The following ASPM variants were observed in gnomAD, a reference collection of about 807,000 sequenced individuals.
ASPM encodes the protein assembly factor for spindle microtubules.
Under a neutral mutation model 366.4 loss-of-function variants are expected in ASPM, and 256 were observed. The ratio of observed to expected loss-of-function variants is 0.70; its 90% confidence interval spans 0.63 to 0.77. The LOEUF (loss-of-function observed/expected upper bound fraction) is 0.77. Among genes scored for constraint, ASPM ranks in the 30% least tolerant of loss-of-function variants. ASPM has a pLI of 0.00. For missense variants in ASPM, 4,146 were observed against 4,090.4 expected (o/e 1.01, Z -0.37); for synonymous variants, 1,414 against 1,342.9 (o/e 1.05, Z -1.16).
intron 20 of ASPM, 104 bp downstream of exon 20, chr1:197,093,980 T>C: frequency 1.3e-6 from 1 of 780,404 alleles, no homozygotes; most frequent in Non-Finnish European, 2.0e-6. Context: ...AACACTTTTT[T>C]TCCAGCGAAG....
chr1:197,128,750 CAT>C (rs1016106015), intron 9 of ASPM, 85 bp from the exon 10 acceptor site: 4 of 1,052,014 alleles, frequency 3.8e-6, no homozygotes, highest in Non-Finnish European at 4.1e-6. Flanking sequence ...TCATTCTGTA[CAT>C]ATAAAAATAA....
rs759052633 is a variant in ASPM, at chr1:197,093,170, A to T, written c.9176T>A (p.Ile3059Lys). Residue 3059 changes from isoleucine (I) to lysine (K), a missense_variant, in exon 21 of 28, where the codon ATA (isoleucine) becomes AAA (lysine). This residue lies in a region of ASPM where 3,624 missense variants were observed against 3,591.7 expected (regional missense o/e 1.01). Transcript: ENST00000367409. ...CTCCCTGGCTCGTATATATTTTTGTATGATCAAAGCAGCAGATTTCTGCCG... is the reference window on the plus strand; with the variant it reads ...CTCCCTGGCTCGTATATATTTTTGTTTGATCAAAGCAGCAGATTTCTGCCG... Reference protein sequence around the residue: ...FLRQKSAALIIQKYIRAREAG... With the variant: ...FLRQKSAALIKQKYIRAREAG... 1.2e-6 allele frequency: 2 copies of T among 1,612,550 alleles called. No individual in the cohort carries two copies. The highest frequency in any genetic ancestry group is 1.7e-6 in the Non-Finnish European group (2 of 1,178,978).
intron 9 of ASPM, 77 bp downstream of exon 9, chr1:197,129,110 G>A: frequency 1.3e-6 from 2 of 1,521,040 alleles, no homozygotes; most frequent in Middle Eastern, 1.8e-4. Context: ...TTTTTCTAAA[G>A]AGAAAACATA....
chr1:197,110,599 G>C (rs571233484), intron 17 of ASPM, among the ~76,000 whole-genome samples: 227 of 152,114 alleles, frequency 1.5e-3, no homozygotes, highest in African/African-American at 5.4e-3. Context: ...TGCAGATTGG[G>C]AGAAATTGTG....
In ASPM at chr1:197,142,535, G is replaced by A. The variant is rs144049904; in HGVS notation, c.1717C>T (p.Arg573Trp). Residue 573 changes from arginine to tryptophan, a missense_variant, in exon 3 of 28, where the codon CGG becomes TGG. Physicochemically the swap from Arg to Trp is moderately radical, Grantham distance 101. Transcript: ENST00000367409. ...ATGCTTCCATCGCTCTTTCTTTTCCGAGCAACTGAAGCTGTTGTCGAAGAG... is the reference window on the plus strand; with the variant it reads ...ATGCTTCCATCGCTCTTTCTTTTCCAAGCAACTGAAGCTGTTGTCGAAGAG... Reference protein sequence around the residue: ...TPSSTTASVARKRKSDGSMED... With the variant: ...TPSSTTASVAWKRKSDGSMED... The A allele has an allele frequency of 2.6e-3, 4,121 of 1,613,904 alleles. 13 individuals carry two copies. The highest frequency in any genetic ancestry group is 0.011 in the Middle Eastern group (65 of 6,062).
intron 5 of ASPM, 27 bp from the exon 6 acceptor site, chr1:197,133,622 T>C (rs1364604159): frequency 1.9e-6 from 3 of 1,606,364 alleles, no homozygotes; most frequent in East Asian, 2.2e-5. Flanking sequence ...GAAAGAATGT[T>C]TCTGGTTAAA....
At chr1:197,141,815 A>G (rs993231710) in intron 3 of ASPM, among the ~76,000 whole-genome samples, 1 of 151,928 alleles carries the variant, frequency 6.6e-6, no homozygotes, top group Non-Finnish European at 1.5e-5. Context: ...TCAAATAAAT[A>G]TATCTAGAAA....
chr1:197,139,555 T>C (rs958188722), intron 4 of ASPM, among the ~76,000 whole-genome samples: 2 of 152,250 alleles, frequency 1.3e-5, no homozygotes, highest in Non-Finnish European at 2.9e-5. Context: ...CAATAATTAC[T>C]ATAGTGACCC....
chr1:197,091,492 T>C (rs113864936), intron 22 of ASPM, among the ~76,000 whole-genome samples: 1 of 151,816 alleles, frequency 6.6e-6, no homozygotes, highest in Non-Finnish European at 1.5e-5. Context: ...TAAAAAAAAG[T>C]ACACAGATAA....
At chr1:197,130,180 T>C in intron 7 of ASPM, 124 bp from the exon 8 acceptor site, 1 of 1,010,396 alleles carries the variant, frequency 9.9e-7, no homozygotes, top group Non-Finnish European at 1.5e-6. Flanking sequence ...ATGACATGGT[T>C]ATTTGCTAAA....
intron 12 of ASPM, 49 bp downstream of exon 12, chr1:197,124,821 C>A: frequency 7.3e-7 from 1 of 1,376,672 alleles, no homozygotes; most frequent in South Asian, 1.2e-5. Context: ...TTTTATAAAT[C>A]AGTAATCAAA....
chr1:197,101,703 T>C lies in ASPM; in HGVS notation c.7548A>G (p.Thr2516=). The C allele has an allele frequency of 6.2e-7, 1 of 1,612,142 alleles. No homozygotes were observed. The highest frequency in any genetic ancestry group is 1.1e-5 in the South Asian group (1 of 91,032). The change falls in exon 18 of 28, where the codon ACA becomes ACG. Residue 2516 remains threonine, a synonymous_variant. Transcript: ENST00000367409. ...ASILIQQHYR[T]YRAAKLQREN... Reference sequence around the variant, plus strand: ...CTCTTTGTAATTTTGCAGCTCTATATGTTCGATAATGTTGCTGAATTAGAA... The same window carrying C: ...CTCTTTGTAATTTTGCAGCTCTATACGTTCGATAATGTTGCTGAATTAGAA...
chr1:197,118,799 G>A (rs1268019606), intron 16 of ASPM, among the ~76,000 whole-genome samples: 3 of 152,058 alleles, frequency 2.0e-5, no homozygotes, highest in Non-Finnish European at 2.9e-5. Context: ...GCCAGGATAC[G>A]AATCAGGCAG....
chr1:197,099,843 C>G (rs568288713), intron 18 of ASPM, among the ~76,000 whole-genome samples: 15 of 151,854 alleles, frequency 9.9e-5, no homozygotes, highest in Non-Finnish European at 2.2e-4. Context: ...GGATCTGCCT[C>G]TCTCTATGCA....
Position 197,103,363 on chromosome 1 carries a change from A to G in ASPM, c.5888T>C (p.Leu1963Pro). ...ATGTTGCCTTTGAAGCTGTCTTCTC[A>G]GTGTTTTTCCCTTCCACATAGATTG... ...VLQSMWKGKT[L>P]RRQLQRQHKC... is the part of the protein sequence containing the mutation. Residue 1963 changes from leucine (L) to proline (P), a missense_variant, in exon 18 of 28, where the codon CTG (leucine) becomes CCG (proline). Leu to Pro is a moderately conservative substitution (Grantham distance 98). This residue lies in a region of ASPM where 3,624 missense variants were observed against 3,591.7 expected (regional missense o/e 1.01). Transcript: ENST00000367409. The G allele has an allele frequency of 3.1e-6, 5 of 1,613,246 alleles. No homozygotes were observed. In the South Asian group the frequency reaches 4.4e-5, roughly 14 times the overall value.
chr1:197,109,501 A>G (rs1442588296), intron 17 of ASPM, among the ~76,000 whole-genome samples: 1 of 152,130 alleles, frequency 6.6e-6, no homozygotes. Context: ...TCAACCTGAT[A>G]AAGGGCATCT....
Position 197,122,457 on chromosome 1 carries a change from C to T in ASPM, c.3529G>A (p.Val1177Met), listed in dbSNP as rs773187121. The T allele has an allele frequency of 6.2e-7, 1 of 1,613,902 alleles. No homozygotes were observed. The highest frequency in any genetic ancestry group is 2.2e-5 in the East Asian group (1 of 44,880). Residue 1177 changes from valine to methionine, a missense_variant, in exon 14 of 28, where the codon GTG (valine) becomes ATG (methionine). Val to Met is a conservative substitution (Grantham distance 21). Around this residue, in one of 3 missense-constraint regions of ASPM, gnomAD observed 3,624 missense variants for 3,591.7 expected, o/e 1.01. Coordinates refer to ENST00000367409, the MANE Select transcript of ASPM (RefSeq NM_018136.5). ...QTVECTQTGS[V>M]VLNSSSESDD... Reference sequence around the variant, plus strand: ...GATTCAGATGATGAATTTAATACCACTGAACCAGTTTGCGTACATTCCACA... The same window carrying T: ...GATTCAGATGATGAATTTAATACCATTGAACCAGTTTGCGTACATTCCACA...
At chr1:197,119,187 G>A (rs1657831866) in intron 16 of ASPM, among the ~76,000 whole-genome samples, 1 of 152,066 alleles carries the variant, frequency 6.6e-6, no homozygotes. Context: ...ATTCCTCTGG[G>A]GAGAAAGAGT....
chr1:197,096,130 A>G lies in ASPM; in HGVS notation c.8855T>C (p.Leu2952Ser), dbSNP rs1656966478. The stretch of plus-strand genomic sequence containing the variant: ...CTTGCAGGCAGCTTTCACTTTACAT[A>G]AATATTTCTTGGCTCTATATCTCCT... ...MWRRYRAKKYLCKVKAACKIQ... is the reference protein window; with the variant it reads ...MWRRYRAKKYSCKVKAACKIQ... The change falls in exon 19 of 28, where the codon TTA (leucine) becomes TCA (serine). Residue 2952 changes from leucine (L) to serine (S), a missense_variant. Leu to Ser is a moderately radical substitution (Grantham distance 145). Coordinates refer to ENST00000367409, the MANE Select transcript of ASPM (RefSeq NM_018136.5). The G allele has an allele frequency of 6.2e-7, 1 of 1,608,898 alleles. No individual in the cohort carries two copies. Among genetic ancestry groups the G allele is most frequent in the African/African-American group, 1.3e-5 (1 of 74,788 alleles).
Sources: allele counts gnomAD v4.1 joint callset (sites outside exome capture counted in the v4.1 genomes callset), GRCh38; gene constraint gnomAD v4.1.1; regional missense constraint gnomAD v4.1.1; transcripts MANE v1.5; gene names NCBI Gene and HGNC (gene_info 2026-07-23, HGNC 2026-07-21).